MED13: variants seen among roughly 807,000 people sequenced by gnomAD.
The protein encoded by MED13 is mediator of RNA polymerase II transcription subunit 13.
Under a neutral mutation model 225.2 loss-of-function variants are expected in MED13, and 23 were observed. The observed-to-expected ratio is 0.10, with a 90% CI of 0.07 to 0.14. The LOEUF (loss-of-function observed/expected upper bound fraction) is 0.14. MED13 is among the 10% of genes least tolerant of loss of function. MED13 has a pLI of 1.00. For synonymous variants in MED13, 942 were observed against 889.2 expected (o/e 1.06, Z -1.06); for missense variants, 2,197 against 2,594.5 (o/e 0.85, Z 3.33).
chr17:61,952,397 T>TA (rs893630490), intron 27 of MED13, among the ~76,000 whole-genome samples: 1 of 152,158 alleles, frequency 6.6e-6, no homozygotes, highest in African/African-American at 2.4e-5. Context: ...TGGCTGCTCT[T>TA]AGAGTTATAT....
At chr17:62,035,412 T>TA (rs2080793834) in intron 4 of MED13, 51 bp downstream of exon 4, 1 of 1,430,192 alleles carries the variant, frequency 7.0e-7, no homozygotes, top group African/African-American at 1.4e-5. Context: ...TGAAGTCAAA[T>TA]AAGGATCTTT....
chr17:62,008,813 T>C (rs1350352509), intron 9 of MED13, among the ~76,000 whole-genome samples: 1 of 151,872 alleles, frequency 6.6e-6, no homozygotes, highest in Non-Finnish European at 1.5e-5. Flanking sequence ...CCTAGAGAGC[T>C]GAAAACAAGT....
rs746178116 is a variant in MED13, at chr17:62,033,899, A to G, written c.702T>C (p.Gly234=). The G allele has an allele frequency of 4.3e-6, 7 of 1,614,062 alleles. No homozygotes were observed. In the South Asian group the frequency reaches 4.4e-5, roughly 10 times the overall value. The change falls in exon 5 of 30, where the codon GGT becomes GGC. Residue 234 remains glycine (G), a synonymous_variant. Transcript: ENST00000397786. Reference sequence around the variant, plus strand: ...AGATAGGATAGAACTGTTTCCATTCACCAATTAATTTTTTTGTAGCTGAAT... The same window carrying G: ...AGATAGGATAGAACTGTTTCCATTCGCCAATTAATTTTTTTGTAGCTGAAT... ...MSDSATKKLI[G]EWKQFYPISC...
chr17:62,046,614 T>C lies in MED13; in HGVS notation c.470+5923A>G, dbSNP rs536794604. ...TAGCACTTTGCGAGGCCAAAGATGG[T>C]GGGTAGCTTGAGCTCAGTTCAAGAC... On this transcript the variant is annotated intron_variant, in intron 3 of 29. Coordinates refer to ENST00000397786, the MANE Select transcript of MED13 (RefSeq NM_005121.3). 5.9e-5 allele frequency among the ~76,000 whole-genome samples: 9 copies of C among 152,158 alleles called. No individual in the cohort carries two copies. The South Asian group carries it at 1.7e-3, about 28-fold the overall frequency.
chr17:62,065,235 A>C lies in MED13; in HGVS notation c.-30T>G, dbSNP rs557379785. On this transcript the variant is annotated 5_prime_UTR_variant, in exon 1 of 30. Transcript: ENST00000397786. ...CCTCACAGCAGCCGCCGCCGGCGCC[A>C]CAACCCACCATCCGCCATTACCGCC... The C allele has an allele frequency of 1.4e-6, 2 of 1,481,214 alleles. No homozygotes were observed. The highest frequency in any genetic ancestry group is 2.9e-5 in the African/African-American group (2 of 69,054). The allele number at this position is 1,481,214 out of a possible 1,614,324, so 91.8% of individuals were successfully genotyped here. A position where few individuals can be genotyped will look rare whatever the true frequency, so the allele number is the denominator to read the frequency against.
Position 62,030,021 on chromosome 17 carries a change from CA to C in MED13, c.1010-9del, listed in dbSNP as rs763885942. The C allele has an allele frequency of 1.4e-5, 22 of 1,520,806 alleles. No homozygotes were observed. In the East Asian group the frequency reaches 4.6e-4, roughly 32 times the overall value. The allele number at this position is 1,520,806 out of a possible 1,614,324, so 94.2% of individuals were successfully genotyped here. A position where few individuals can be genotyped will look rare whatever the true frequency, so the allele number is the denominator to read the frequency against. On this transcript the variant is annotated splice_polypyrimidine_tract_variant and intron_variant, in intron 6 of 29. Transcript: ENST00000397786. Reference sequence around the variant, plus strand: ...GGACAGACTGAGGATCAACTGAAAACAAAACAAAAAAACAGGCTGTAGGAGA... The same window carrying C: ...GGACAGACTGAGGATCAACTGAAAACAAACAAAAAAACAGGCTGTAGGAGA...
rs184070155 is a variant in MED13 at position 62,012,621 on chromosome 17, T to C, written c.1284-1388A>G. On this transcript the variant is annotated intron_variant, in intron 8 of 29. Coordinates refer to ENST00000397786, the MANE Select transcript of MED13 (RefSeq NM_005121.3). Reference sequence around the variant, plus strand: ...CTGGGATTACAGGCATGAGCCACCGTGCCTGGCCAAGAAACTTTTAAAATG... The same window carrying C: ...CTGGGATTACAGGCATGAGCCACCGCGCCTGGCCAAGAAACTTTTAAAATG... 7.7e-3 allele frequency among the ~76,000 whole-genome samples: 1,157 copies of C among 150,462 alleles called. 5 individuals carry two copies. The highest frequency in any genetic ancestry group is 0.018 in the Middle Eastern group (5 of 280).
Position 62,036,811 on chromosome 17 carries a change from A to G in MED13, c.471-1203T>C, listed in dbSNP as rs915008699. 4 of 152,362 alleles carry G rather than the reference A, an allele frequency of 2.6e-5. No homozygotes were observed. In the East Asian group the frequency reaches 7.7e-4, roughly 29 times the overall value. 9.4% of individuals were successfully genotyped at this position (152,362 alleles called of 1,614,324 possible). A position where few individuals can be genotyped will look rare whatever the true frequency, so the allele number is the denominator to read the frequency against. Reference sequence around the variant, plus strand: ...AATAGAAATTTAAGCATGTTATTCAAGTTACAAATGTAACTGACAGAGGCT... The same window carrying G: ...AATAGAAATTTAAGCATGTTATTCAGGTTACAAATGTAACTGACAGAGGCT... On this transcript the variant is annotated intron_variant, in intron 3 of 29. Coordinates refer to ENST00000397786, the MANE Select transcript of MED13 (RefSeq NM_005121.3).
intron 18 of MED13, among the ~76,000 whole-genome samples, chr17:61,967,418 T>G (rs1033099209): frequency 6.6e-6 from 1 of 152,194 alleles, no homozygotes; most frequent in African/African-American, 2.4e-5. Flanking sequence ...AAAAGGAAGC[T>G]AAACTAACAT....
At chr17:62,048,019 T>TATATACATATACATATAC (rs983326428) in intron 3 of MED13, among the ~76,000 whole-genome samples, 54 of 135,252 alleles carry the variant, frequency 4.0e-4, no homozygotes, top group African/African-American at 1.4e-3. Flanking sequence ...TATATATACA[T>TATATACATATACATATAC]ATATACATAT....
At chr17:62,015,936 ATATATATATATATATATATTTTTT>A (rs1388889648) in intron 8 of MED13, among the ~76,000 whole-genome samples, 92 of 8,822 alleles carry the variant, frequency 0.01, 2 homozygotes, top group African/African-American at 0.021. Context: ...ATATATATAT[ATATATATATATATATATATTTTTT>A]TTTTTTTTTT....
At chr17:62,036,197 C>G (rs951945109) in intron 3 of MED13, among the ~76,000 whole-genome samples, 1 of 151,730 alleles carries the variant, frequency 6.6e-6, no homozygotes, top group African/African-American at 2.4e-5. Context: ...ATTTTCCCCT[C>G]TATATAAGAA....
chr17:62,026,302 CA>C (rs2143658497), intron 8 of MED13, among the ~76,000 whole-genome samples: 1 of 152,058 alleles, frequency 6.6e-6, no homozygotes, highest in Admixed American at 6.5e-5. Context: ...ATCATTCAAC[CA>C]ATATAATCCA....
chr17:62,065,232 G>C lies in MED13; in HGVS notation c.-27C>G. ...GTCCCTCACAGCAGCCGCCGCCGGC[G>C]CCACAACCCACCATCCGCCATTACC... On this transcript the variant is annotated 5_prime_UTR_variant, in exon 1 of 30. Coordinates refer to ENST00000397786, the MANE Select transcript of MED13 (RefSeq NM_005121.3). 7.2e-7 allele frequency: 1 copy of C among 1,397,088 alleles called. No individual in the cohort carries two copies. Among genetic ancestry groups the C allele is most frequent in the Non-Finnish European group, 9.5e-7 (1 of 1,056,622 alleles). 86.5% of individuals were successfully genotyped at this position (1,397,088 alleles called of 1,614,324 possible).
At position 61,956,446 on chromosome 17, in the gene MED13, C is replaced by T. The variant is rs1177044949; in HGVS notation, c.5516G>A (p.Gly1839Asp). ...RRKKSSARKF[G>D]LQKLWEWCLG... The stretch of plus-strand genomic sequence containing the variant: ...GCACCACTCCCAAAGTTTCTGTAGA[C>T]CAAATTTTCTAGCAGAACTTTTTTT... Residue 1839 changes from glycine to aspartate, a missense_variant, in exon 24 of 30, where the codon GGT becomes GAT. Physicochemically the swap from Gly to Asp is moderately conservative, Grantham distance 94 (BLOSUM62 -1). Coordinates refer to ENST00000397786, the MANE Select transcript of MED13 (RefSeq NM_005121.3). The T allele has an allele frequency of 6.2e-7, 1 of 1,612,774 alleles. No individual in the cohort carries two copies. Among genetic ancestry groups the T allele is most frequent in the Admixed American group, 1.7e-5 (1 of 59,776 alleles).
At chr17:61,996,474 T>C (rs1269739197) in intron 9 of MED13, among the ~76,000 whole-genome samples, 2 of 152,130 alleles carry the variant, frequency 1.3e-5, no homozygotes, top group Admixed American at 6.5e-5. Context: ...CATCATCTTG[T>C]TCTTCTCCTC....
At position 61,984,380 on chromosome 17, in the gene MED13, G is replaced by C; in HGVS notation, c.2692-13C>G. On this transcript the variant is annotated splice_polypyrimidine_tract_variant and intron_variant, in intron 14 of 29. Transcript: ENST00000397786. ...CATAAGAAAAATCCTACAATATAAA[G>C]ATGGTAGGTTTTCAGTATCTTATCT... 6.6e-7 allele frequency: 1 copy of C among 1,521,050 alleles called. No homozygotes were observed. The highest frequency in any genetic ancestry group is 8.8e-7 in the Non-Finnish European group (1 of 1,135,936). 94.2% of individuals were successfully genotyped at this position (1,521,050 alleles called of 1,614,324 possible). A position where few individuals can be genotyped will look rare whatever the true frequency, so the allele number is the denominator to read the frequency against.
At chr17:62,040,313 C>T (rs1247739508) in intron 3 of MED13, among the ~76,000 whole-genome samples, 1 of 152,090 alleles carries the variant, frequency 6.6e-6, no homozygotes, top group Non-Finnish European at 1.5e-5. Context: ...AATACTGTTG[C>T]TCTCCATGAG....
At chr17:61,975,630 A>C (rs185441070) in intron 16 of MED13, among the ~76,000 whole-genome samples, 302 of 152,308 alleles carry the variant, frequency 2.0e-3, no homozygotes, top group African/African-American at 6.5e-3. Context: ...GAGGCACAAG[A>C]ATCACTTGAA....
Sources: allele counts gnomAD v4.1 joint callset (sites outside exome capture counted in the v4.1 genomes callset), GRCh38; gene constraint gnomAD v4.1.1; transcripts MANE v1.5; gene names NCBI Gene and HGNC (gene_info 2026-07-23, HGNC 2026-07-21).